F13A1: variants seen among roughly 807,000 people sequenced by gnomAD.
F13A1 encodes FSF, A subunit.
A neutral mutation model predicts 80.1 loss-of-function variants in F13A1; 47 were observed. The observed-to-expected ratio is 0.59, with a 90% CI of 0.46 to 0.75. The LOEUF (loss-of-function observed/expected upper bound fraction) is 0.75. F13A1 is among the 30% of genes least tolerant of loss of function. F13A1 has a pLI of 0.00. For missense variants in F13A1, 817 were observed against 930.4 expected (o/e 0.88, Z 1.59); for synonymous variants, 349 against 344.9 (o/e 1.01, Z -0.13).
chr6:6,318,478 G>A (rs1583131010), intron 2 of F13A1, 57 bp downstream of exon 2: 3 of 1,565,360 alleles, frequency 1.9e-6, no homozygotes. Flanking sequence ...GGGAAGAGGG[G>A]CCAGGGCCCG....
chr6:6,270,516 G>C (rs952985442), intron 3 of F13A1, among the ~76,000 whole-genome samples: 1 of 152,172 alleles, frequency 6.6e-6, no homozygotes, highest in African/African-American at 2.4e-5. Flanking sequence ...TTCACATAGT[G>C]ATGCAAATAA....
At chr6:6,227,649 C>T (rs929707518) in intron 6 of F13A1, among the ~76,000 whole-genome samples, 1 of 152,190 alleles carries the variant, frequency 6.6e-6, no homozygotes, top group African/African-American at 2.4e-5. Context: ...TTATCATTCC[C>T]TTATCACTGA....
At chr6:6,285,721 G>C (rs767043977) in intron 3 of F13A1, among the ~76,000 whole-genome samples, 44 of 152,346 alleles carry the variant, frequency 2.9e-4, no homozygotes, top group Non-Finnish European at 5.4e-4. Context: ...GCGACCATCA[G>C]GTGACGGTCA....
chr6:6,312,001 G>GTA (rs905737031), intron 2 of F13A1, among the ~76,000 whole-genome samples: 2 of 147,092 alleles, frequency 1.4e-5, no homozygotes, highest in African/African-American at 4.9e-5. Context: ...TATGATATGT[G>GTA]TATATATATT....
At chr6:6,237,036 G>A (rs1757422791) in intron 6 of F13A1, among the ~76,000 whole-genome samples, 1 of 152,140 alleles carries the variant, frequency 6.6e-6, no homozygotes, top group Admixed American at 6.6e-5. Context: ...GTGTTGTGGG[G>A]TGGGGCAGGT....
chr6:6,251,273 C>T (rs1016347226), intron 4 of F13A1, among the ~76,000 whole-genome samples: 6 of 152,160 alleles, frequency 3.9e-5, no homozygotes, highest in Non-Finnish European at 8.8e-5. Context: ...TGATGTACGT[C>T]TCTAACACTA....
intron 3 of F13A1, among the ~76,000 whole-genome samples, chr6:6,300,457 TA>T (rs1237943243): frequency 6.6e-6 from 1 of 152,084 alleles, no homozygotes; most frequent in Non-Finnish European, 1.5e-5. Context: ...CGCCGTTTTT[TA>T]AGCCTGTCGG....
intron 3 of F13A1, among the ~76,000 whole-genome samples, chr6:6,277,838 A>T (rs1195617878): frequency 6.6e-6 from 1 of 152,264 alleles, no homozygotes; most frequent in African/African-American, 2.4e-5. Context: ...CAGTATGCAT[A>T]CATTAAGACC....
chr6:6,160,953 A>C (rs1760562969), intron 13 of F13A1, among the ~76,000 whole-genome samples: 1 of 152,048 alleles, frequency 6.6e-6, no homozygotes, highest in Admixed American at 6.6e-5. Context: ...TCCTAGCAAA[A>C]TTGTTCCTAG....
intron 13 of F13A1, among the ~76,000 whole-genome samples, chr6:6,156,422 T>G (rs1296471567): frequency 6.6e-6 from 1 of 152,206 alleles, no homozygotes; most frequent in Non-Finnish European, 1.5e-5. Flanking sequence ...AAATTGAAAC[T>G]GAAATGAAGG....
At chr6:6,192,897 A>T (rs529765340) in intron 10 of F13A1, among the ~76,000 whole-genome samples, 17 of 152,314 alleles carry the variant, frequency 1.1e-4, no homozygotes, top group African/African-American at 3.8e-4. Flanking sequence ...GAAGAGAGTT[A>T]TCTTTGGCAA....
At position 6,220,486 on chromosome 6, in the gene F13A1, T is replaced by C. The variant is rs957844924; in HGVS notation, c.1112+1547A>G. On this transcript the variant is annotated intron_variant, in intron 8 of 14. Transcript: ENST00000264870. ...TAGGGACTTATTTGATGATGGGAGG[T>C]ACCTGAATCAAGGAGCTGGGAAAGA... Among the ~76,000 whole-genome samples, 4 of 152,006 alleles carry C rather than the reference T, an allele frequency of 2.6e-5. No individual in the cohort carries two copies. The South Asian group carries it at 6.3e-4, about 24-fold the overall frequency.
At chr6:6,289,654 A>G (rs1370389711) in intron 3 of F13A1, among the ~76,000 whole-genome samples, 5 of 152,020 alleles carry the variant, frequency 3.3e-5, no homozygotes. Context: ...CACTTCTGCT[A>G]TAGTAATCTA....
chr6:6,253,683 A>T (rs9379021), intron 4 of F13A1, among the ~76,000 whole-genome samples: 45,502 of 152,080 alleles, frequency 0.3, 7,238 homozygotes, highest in East Asian at 0.54. Context: ...GGTTCTTTTT[A>T]ATGTAGCATT....
chr6:6,308,093 A>T (rs1313770029), intron 2 of F13A1, among the ~76,000 whole-genome samples: 3 of 151,984 alleles, frequency 2.0e-5, no homozygotes, highest in Non-Finnish European at 4.4e-5. Context: ...GGCTCACTGC[A>T]ACCTCTGCCT....
At chr6:6,173,409 CTT>C (rs4053226) in intron 12 of F13A1, among the ~76,000 whole-genome samples, 16 of 78,092 alleles carry the variant, frequency 2.0e-4, no homozygotes, top group Admixed American at 3.5e-4. Flanking sequence ...CCATTCTTTT[CTT>C]TTTTTTTTTT....
chr6:6,263,105 C>G (rs145790966), intron 4 of F13A1, among the ~76,000 whole-genome samples: 1 of 152,206 alleles, frequency 6.6e-6, no homozygotes, highest in African/African-American at 2.4e-5. Flanking sequence ...GGTTCCTCTC[C>G]GTCACCATAA....
chr6:6,148,414 G>A (rs368510124), intron 14 of F13A1, among the ~76,000 whole-genome samples: 1 of 152,194 alleles, frequency 6.6e-6, no homozygotes, highest in East Asian at 1.9e-4. Context: ...AATAACCCCT[G>A]CCTTCTAGAC....
At chr6:6,245,188 AATAAAT>A (rs1011302369) in intron 6 of F13A1, among the ~76,000 whole-genome samples, 2 of 152,220 alleles carry the variant, frequency 1.3e-5, no homozygotes, top group African/African-American at 4.8e-5. Flanking sequence ...GGTCACATAC[AATAAAT>A]ATAAATATAC....
Sources: gnomAD v4.1 joint callset for allele counts (sites outside exome capture counted in the v4.1 genomes callset) on GRCh38, gnomAD v4.1.1 for gene constraint, MANE v1.5 for transcripts, NCBI Gene and HGNC (gene_info 2026-07-23, HGNC 2026-07-21) for gene names.